SERPINA12: variants seen among roughly 807,000 people sequenced by gnomAD.
SERPINA12 encodes the protein serpin family A member 12, also known as serpin A12.
A neutral mutation model predicts 25.9 loss-of-function variants in SERPINA12; 21 were observed. The observed-to-expected ratio is 0.81, with a 90% CI of 0.58 to 1.17. The LOEUF (loss-of-function observed/expected upper bound fraction) is 1.17, where lower values mean the gene tolerates loss of function less well. SERPINA12 is among the 50% of genes most tolerant of loss of function. The probability of loss-of-function intolerance (pLI) is 0.00; values close to 1 mark genes in which losing one functional copy is unlikely to be tolerated. For missense variants in SERPINA12, 562 were observed against 508.3 expected (o/e 1.11, Z -1.02); for synonymous variants, 220 against 196.0 (o/e 1.12, Z -1.02).
chr14:94,516,895 G>A (rs148341354), intron 1 of SERPINA12, among the ~76,000 whole-genome samples: 17 of 152,280 alleles, frequency 1.1e-4, no homozygotes, highest in African/African-American at 3.9e-4. Context: ...CACCTAGGGA[G>A]GGGCAGTTTC....
At chr14:94,510,280 T>C (rs1447503845), upstream of SERPINA12, 28 of 985,096 alleles carry the variant, frequency 2.8e-5, no homozygotes, top group Non-Finnish European at 3.1e-5. Context: ...CCGTGCTAAA[T>C]GTCATTCAAG....
intron 3 of SERPINA12, among the ~76,000 whole-genome samples, chr14:94,492,913 T>G (rs1348596161): frequency 6.6e-6 from 1 of 152,160 alleles, no homozygotes; most frequent in Non-Finnish European, 1.5e-5. Context: ...CCTCAAATTA[T>G]GCAAATCCAA....
At chr14:94,497,735 T>C in intron 2 of SERPINA12, 29 bp downstream of exon 2, 1 of 1,569,000 alleles carries the variant, frequency 6.4e-7, no homozygotes, top group African/African-American at 1.4e-5. Flanking sequence ...CATCCTATTC[T>C]TTCCACACCA....
Position 94,496,574 on chromosome 14 carries a change from G to A in SERPINA12, c.704C>T (p.Ser235Leu). 1 of 1,613,898 alleles carries A rather than the reference G, an allele frequency of 6.2e-7. No homozygotes were observed. The part of the protein sequence containing the change: ...EEDFFLEKNS[S>L]VKVPMMFRSG... The stretch of plus-strand genomic sequence containing the variant: ...ACGGAACATCATGGGCACCTTGACT[G>A]AACTGTTTTTCTCCAGAAAGAAATC... Residue 235 changes from serine to leucine, a missense_variant, in exon 3 of 5, where the codon TCA becomes TTA. Transcript: ENST00000677451.
chr14:94,509,246 C>G (rs17094914), intron 1 of SERPINA12, among the ~76,000 whole-genome samples, 96 bp downstream of exon 1: 28,297 of 150,600 alleles, frequency 0.19, 3,258 homozygotes, highest in African/African-American at 0.33. Flanking sequence ...CACCTTGGCC[C>G]TTGGTTGTCT....
chr14:94,490,796 G>A (rs988058247), intron 3 of SERPINA12, among the ~76,000 whole-genome samples: 2 of 152,088 alleles, frequency 1.3e-5, no homozygotes, highest in African/African-American at 4.8e-5. Context: ...ACGTCCCAGA[G>A]CCAGCTCTCA....
chr14:94,492,673 C>T (rs551675795), intron 3 of SERPINA12, among the ~76,000 whole-genome samples: 41 of 152,308 alleles, frequency 2.7e-4, no homozygotes, highest in African/African-American at 8.2e-4. Context: ...ATGAGGAGAT[C>T]GGCTTTAGTT....
chr14:94,513,311 G>A (rs189042435), upstream of SERPINA12, among the ~76,000 whole-genome samples: 15 of 152,332 alleles, frequency 9.8e-5, no homozygotes, highest in African/African-American at 2.9e-4. Flanking sequence ...TACTTTCAGA[G>A]AGAGAATACA....
At chr14:94,499,232 CCTT>C (rs1184866229) in intron 1 of SERPINA12, among the ~76,000 whole-genome samples, 2 of 152,094 alleles carry the variant, frequency 1.3e-5, no homozygotes, top group African/African-American at 2.4e-5. Context: ...CTCCAGGAAA[CCTT>C]CTTCCCTACA....
chr14:94,498,443 GA>G lies in SERPINA12; in HGVS notation c.-33-14del, dbSNP rs752985930. ...TTGAGTAGTAGACCTGAGGTCAGCAGAAAAAAAGAACATGATAACCCCATTG... is the reference window on the plus strand; with the variant it reads ...TTGAGTAGTAGACCTGAGGTCAGCAGAAAAAAGAACATGATAACCCCATTG... On this transcript the variant is annotated splice_polypyrimidine_tract_variant and intron_variant, in intron 1 of 4. Transcript: ENST00000677451. 4.0e-5 allele frequency: 63 copies of G among 1,569,850 alleles called. No homozygotes were observed. The highest frequency in any genetic ancestry group is 5.2e-5 in the Non-Finnish European group (60 of 1,160,964).
At chr14:94,496,665 C>G (rs753304473) in intron 2 of SERPINA12, 22 bp from the exon 3 acceptor site, 11 of 1,609,760 alleles carry the variant, frequency 6.8e-6, no homozygotes, top group Non-Finnish European at 9.3e-6. Flanking sequence ...GAAAGACAAA[C>G]AGACATGTTA....
intron 3 of SERPINA12, among the ~76,000 whole-genome samples, chr14:94,493,539 A>C: frequency 6.6e-6 from 1 of 152,118 alleles, no homozygotes; most frequent in East Asian, 1.9e-4. Flanking sequence ...CCTGGAAGAG[A>C]TGCTGAGAGC....
At chr14:94,515,108 G>A (rs1268793930) in intron 2 of SERPINA12, among the ~76,000 whole-genome samples, 3 of 152,206 alleles carry the variant, frequency 2.0e-5, no homozygotes, top group Non-Finnish European at 2.9e-5. Flanking sequence ...GGTCCCCAAG[G>A]GCCAGCACGG....
At chr14:94,502,805 T>A (rs1900784841) in intron 1 of SERPINA12, among the ~76,000 whole-genome samples, 1 of 152,258 alleles carries the variant, frequency 6.6e-6, no homozygotes, top group Non-Finnish European at 1.5e-5. Flanking sequence ...GCAACCAGTG[T>A]GTTGCCTCCT....
At chr14:94,495,391 C>T (rs962987235) in intron 3 of SERPINA12, among the ~76,000 whole-genome samples, 4 of 152,136 alleles carry the variant, frequency 2.6e-5, no homozygotes, top group Non-Finnish European at 5.9e-5. Context: ...CTTAAGTCTG[C>T]AGCTCACTCT....
chr14:94,501,437 C>T (rs566519252), intron 1 of SERPINA12, among the ~76,000 whole-genome samples: 14 of 152,320 alleles, frequency 9.2e-5, no homozygotes, highest in Admixed American at 2.6e-4. Flanking sequence ...GATGTTCAGT[C>T]ACTGATCCCT....
At chr14:94,509,525 C>T (rs78913970), upstream of SERPINA12, among the ~76,000 whole-genome samples, 6,752 of 152,178 alleles carry the variant, frequency 0.044, 270 homozygotes, top group African/African-American at 0.096. Context: ...TTCTGCCCAA[C>T]GACCTACTAA....
chr14:94,497,700 A>G (rs1900495592), intron 2 of SERPINA12, 64 bp downstream of exon 2: 3 of 1,491,216 alleles, frequency 2.0e-6, no homozygotes, highest in African/African-American at 2.8e-5. Flanking sequence ...TGGCCAACCC[A>G]GGTTTTTAAC....
Position 94,498,277 on chromosome 14 carries a change from G to T in SERPINA12, c.121C>A (p.Gln41Lys), listed in dbSNP as rs760886812. The change falls in exon 2 of 5, where the codon CAA becomes AAA. Residue 41 changes from glutamine (Q) to lysine (K), a missense_variant. Gln to Lys is a moderately conservative substitution (Grantham distance 53). Coordinates refer to ENST00000677451, the MANE Select transcript of SERPINA12 (RefSeq NM_001382267.1). ...KALSEVQGWK[Q>K]RMAAKELARQ... Reference sequence around the variant, plus strand: ...GCAAGCTCCTTGGCTGCCATCCTTTGCTTCCATCCTTGGACCTCGCTCAAA... The same window carrying T: ...GCAAGCTCCTTGGCTGCCATCCTTTTCTTCCATCCTTGGACCTCGCTCAAA... The T allele has an allele frequency of 6.2e-7, 1 of 1,614,192 alleles. No individual in the cohort carries two copies. The highest frequency in any genetic ancestry group is 8.5e-7 in the Non-Finnish European group (1 of 1,180,042).
Sources: gnomAD v4.1 joint callset for allele counts (sites outside exome capture counted in the v4.1 genomes callset) on GRCh38, gnomAD v4.1.1 for gene constraint, MANE v1.5 for transcripts, NCBI Gene and HGNC (gene_info 2026-07-23, HGNC 2026-07-21) for gene names.